LUZP2: variants seen among roughly 807,000 people sequenced by gnomAD.
LUZP2 encodes leucine zipper protein 2.
LUZP2 carries 52 observed loss-of-function variants against 51.6 expected under a neutral mutation model. The ratio of observed to expected loss-of-function variants is 1.01; its 90% confidence interval spans 0.81 to 1.27. The LOEUF (loss-of-function observed/expected upper bound fraction) is 1.27. LUZP2 is among the 50% of genes most tolerant of loss of function. LUZP2 has a pLI of 0.00. For synonymous variants in LUZP2, 154 were observed against 137.3 expected (o/e 1.12, Z -0.85); for missense variants, 436 against 395.4 (o/e 1.10, Z -0.87).
At chr11:24,688,871 A>G (rs1856977790) in intron 1 of LUZP2, among the ~76,000 whole-genome samples, 1 of 152,078 alleles carries the variant, frequency 6.6e-6, no homozygotes. Flanking sequence ...CTGCTATCCC[A>G]TTCTCAAATC....
At chr11:24,576,479 T>G (rs995082388) in intron 1 of LUZP2, among the ~76,000 whole-genome samples, 2 of 151,784 alleles carry the variant, frequency 1.3e-5, no homozygotes, top group Admixed American at 6.6e-5. Flanking sequence ...ACAGGTCAAT[T>G]TTTTTCTATA....
chr11:24,840,293 C>T (rs1258458590), intron 5 of LUZP2, among the ~76,000 whole-genome samples: 2 of 151,824 alleles, frequency 1.3e-5, no homozygotes, highest in Non-Finnish European at 2.9e-5. Flanking sequence ...CAAATGTCAG[C>T]AGGTTCTGCA....
chr11:24,898,993 A>G (rs1307489652), intron 5 of LUZP2, among the ~76,000 whole-genome samples: 1 of 152,180 alleles, frequency 6.6e-6, no homozygotes, highest in Admixed American at 6.5e-5. Flanking sequence ...TAGTTTTACT[A>G]ACTTATTTTT....
intron 9 of LUZP2, among the ~76,000 whole-genome samples, chr11:24,984,542 A>AAATATAAAAT (rs1856134465): frequency 2.0e-5 from 2 of 101,432 alleles, no homozygotes; most frequent in Non-Finnish European, 3.7e-5. Flanking sequence ...ATATATATAT[A>AAATATAAAAT]TATATATAAT....
chr11:24,806,688 G>C (rs993213344), intron 5 of LUZP2, among the ~76,000 whole-genome samples: 8 of 152,202 alleles, frequency 5.3e-5, no homozygotes, highest in Non-Finnish European at 8.8e-5. Context: ...TTACAATCCT[G>C]TTGATAAAGT....
intron 9 of LUZP2, among the ~76,000 whole-genome samples, chr11:25,046,226 C>CAAAAAAAAAA (rs67542459): frequency 1.3e-4 from 19 of 144,578 alleles, no homozygotes; most frequent in African/African-American, 4.8e-4. Context: ...AGTAATCCTC[C>CAAAAAAAAAA]AAAAAAAAAA....
chr11:24,595,198 G>A (rs1325225554), intron 1 of LUZP2, among the ~76,000 whole-genome samples: 2 of 136,466 alleles, frequency 1.5e-5, no homozygotes, highest in East Asian at 2.1e-4. Flanking sequence ...AAAAAAAAGT[G>A]TAGGTCACAG....
intron 9 of LUZP2, among the ~76,000 whole-genome samples, chr11:25,019,176 G>T (rs1366778973): frequency 6.6e-6 from 1 of 152,070 alleles, no homozygotes; most frequent in East Asian, 1.9e-4. Context: ...TTTGACATGT[G>T]TCCCACCTTA....
intron 1 of LUZP2, among the ~76,000 whole-genome samples, chr11:24,638,844 A>G (rs1053948867): frequency 3.3e-5 from 5 of 151,776 alleles, no homozygotes; most frequent in Admixed American, 3.3e-4. Context: ...TGAATCACAG[A>G]TACTGAATCA....
In LUZP2 at chr11:24,942,716, A is replaced by C. The variant is rs183791553; in HGVS notation, c.522+28178A>C. The stretch of plus-strand genomic sequence containing the variant: ...AACGTAGCTTTCAAAGGGAAAAAAA[A>C]CTTTTATTTTTGATGAAGTCAAAAT... On this transcript the variant is annotated intron_variant, in intron 7 of 11. Coordinates refer to ENST00000336930, the MANE Select transcript of LUZP2 (RefSeq NM_001009909.4). Among the ~76,000 whole-genome samples the C allele has an allele frequency of 1.9e-3, 286 of 152,250 alleles. 1 individual carries two copies. Among genetic ancestry groups the C allele is most frequent in the Non-Finnish European group, 3.2e-3 (221 of 68,016 alleles).
chr11:24,518,337 T>C (rs1025151687), intron 1 of LUZP2, among the ~76,000 whole-genome samples: 7 of 152,264 alleles, frequency 4.6e-5, no homozygotes, highest in African/African-American at 1.4e-4. Flanking sequence ...ACTTTAGCCA[T>C]GTTTGTTAAA....
chr11:24,569,663 CTTAT>C (rs1852363954), intron 1 of LUZP2, among the ~76,000 whole-genome samples: 1 of 146,216 alleles, frequency 6.8e-6, no homozygotes, highest in Non-Finnish European at 1.5e-5. Flanking sequence ...GACATATTTA[CTTAT>C]TTTCTTTTTC....
intron 3 of LUZP2, among the ~76,000 whole-genome samples, chr11:24,737,629 C>G (rs1043604598): frequency 6.6e-6 from 1 of 152,070 alleles, no homozygotes; most frequent in South Asian, 2.1e-4. Context: ...TCCTTATGTG[C>G]TACTGAGCTT....
intron 1 of LUZP2, among the ~76,000 whole-genome samples, chr11:24,532,282 A>G (rs1431618191): frequency 6.6e-6 from 1 of 150,982 alleles, no homozygotes; most frequent in African/African-American, 2.4e-5. Flanking sequence ...AGAATAATTC[A>G]TTTATATAAT....
intron 5 of LUZP2, among the ~76,000 whole-genome samples, chr11:24,867,635 G>A (rs1851939964): frequency 6.6e-6 from 1 of 151,972 alleles, no homozygotes; most frequent in Non-Finnish European, 1.5e-5. Context: ...TATGAAACAG[G>A]GTCTCACTGT....
chr11:24,608,413 C>A (rs949908909), intron 1 of LUZP2, among the ~76,000 whole-genome samples: 3 of 152,074 alleles, frequency 2.0e-5, no homozygotes, highest in Non-Finnish European at 1.5e-5. Context: ...TTTAACGAAC[C>A]ATGAATTGTA....
chr11:24,649,586 G>A (rs1407834258), intron 1 of LUZP2, among the ~76,000 whole-genome samples: 1 of 151,944 alleles, frequency 6.6e-6, no homozygotes, highest in Non-Finnish European at 1.5e-5. Flanking sequence ...CTTTTCTGGT[G>A]TTCGAAGAGT....
intron 4 of LUZP2, among the ~76,000 whole-genome samples, chr11:24,752,617 A>G (rs1859635425): frequency 6.6e-6 from 1 of 152,144 alleles, no homozygotes; most frequent in Admixed American, 6.6e-5. Flanking sequence ...CATAACCAAG[A>G]CTATTATAAA....
intron 1 of LUZP2, among the ~76,000 whole-genome samples, chr11:24,566,923 ATATG>A (rs1852258641): frequency 8.5e-4 from 1 of 1,172 alleles, no homozygotes; most frequent in South Asian, 0.026. Flanking sequence ...ATATATGTAT[ATATG>A]TATATATATA....
Sources: gnomAD v4.1 joint callset for allele counts (sites outside exome capture counted in the v4.1 genomes callset) on GRCh38, gnomAD v4.1.1 for gene constraint, MANE v1.5 for transcripts, NCBI Gene and HGNC (gene_info 2026-07-23, HGNC 2026-07-21) for gene names.